Variants in TRABD2B observed in about 807,000 individuals in gnomAD.
The protein encoded by TRABD2B is TraB domain containing 2B, also known as metalloprotease TIKI2.
A neutral mutation model predicts 40.1 loss-of-function variants in TRABD2B; 14 were observed. The observed-to-expected ratio is 0.35, with a 90% CI of 0.23 to 0.55. The LOEUF (loss-of-function observed/expected upper bound fraction) is 0.55. Ranked by LOEUF, TRABD2B falls within the 20% of genes least tolerant of loss-of-function variation. The probability of loss-of-function intolerance (pLI) is 0.90; values close to 1 mark genes in which losing one functional copy is unlikely to be tolerated. For missense variants in TRABD2B, 541 were observed against 648.6 expected (o/e 0.83, Z 1.80); for synonymous variants, 263 against 277.0 (o/e 0.95, Z 0.50).
At chr1:47,820,097 C>G (rs1299676773) in intron 2 of TRABD2B, 1 of 152,260 alleles carries the variant, frequency 6.6e-6, no homozygotes. Flanking sequence ...CCTCACTTAT[C>G]ATGTTTATTG....
intron 2 of TRABD2B, among the ~76,000 whole-genome samples, chr1:47,986,843 G>A (rs899020478): frequency 1.3e-5 from 2 of 152,242 alleles, no homozygotes; most frequent in Non-Finnish European, 2.9e-5. Flanking sequence ...GGAGCTGCTC[G>A]GCGAGACGGC....
chr1:47,858,553 C>T (rs570577191), intron 2 of TRABD2B, among the ~76,000 whole-genome samples: 4 of 152,346 alleles, frequency 2.6e-5, no homozygotes, highest in Admixed American at 1.3e-4. Flanking sequence ...ACCACCACAC[C>T]TAGCCACACT....
intron 2 of TRABD2B, among the ~76,000 whole-genome samples, chr1:47,895,037 C>T (rs1334269225): frequency 3.3e-5 from 5 of 152,282 alleles, no homozygotes; most frequent in South Asian, 2.1e-4. Flanking sequence ...TCTAAAAACG[C>T]ATCTCAAAGG....
At chr1:47,848,384 G>A (rs758921671) in intron 2 of TRABD2B, among the ~76,000 whole-genome samples, 2 of 152,250 alleles carry the variant, frequency 1.3e-5, no homozygotes, top group African/African-American at 4.8e-5. Flanking sequence ...CCAAGATTAC[G>A]GCTCAGGCTG....
chr1:47,877,862 C>A (rs1644246550), intron 2 of TRABD2B, among the ~76,000 whole-genome samples: 1 of 151,620 alleles, frequency 6.6e-6, no homozygotes, highest in African/African-American at 2.4e-5. Context: ...TGTGGTGGTG[C>A]ACACCTATAG....
rs370179048 is a variant in TRABD2B at position 47,829,475 on chromosome 1, G to A, written c.667-27856C>T. Among the ~76,000 whole-genome samples the A allele has an allele frequency of 1.7e-4, 26 of 152,194 alleles. No homozygotes were observed. In the East Asian group the frequency reaches 3.5e-3, roughly 20 times the overall value. ...CGCTAGACTCCTCACTGTCGATGGC[G>A]TGCATAATCCACATCCGTCTGCAGG... On this transcript the variant is annotated intron_variant, in intron 2 of 6. Coordinates refer to ENST00000606738, the MANE Select transcript of TRABD2B (RefSeq NM_001194986.2).
chr1:47,876,168 C>T (rs912614496), intron 2 of TRABD2B, among the ~76,000 whole-genome samples: 1 of 152,180 alleles, frequency 6.6e-6, no homozygotes, highest in African/African-American at 2.4e-5. Context: ...TGTCACTGAG[C>T]TTGAACAAGC....
chr1:47,871,239 G>A (rs962956738), intron 2 of TRABD2B, among the ~76,000 whole-genome samples: 7 of 152,114 alleles, frequency 4.6e-5, no homozygotes, highest in African/African-American at 1.7e-4. Context: ...AGGTGGGCAG[G>A]AGCAGGAGAA....
Position 47,760,960 on chromosome 1 carries a change from G to A in TRABD2B, c.*4942C>T, listed in dbSNP as rs1569850568. ...CCCACAGCAGGACTGGGATGAAGGG[G>A]GCCTTGGAGGCATGCTACTCTGTCA... On this transcript the variant is annotated 3_prime_UTR_variant, in exon 7 of 7. Coordinates refer to ENST00000606738, the MANE Select transcript of TRABD2B (RefSeq NM_001194986.2). 6.6e-6 allele frequency: 1 copy of A among 152,360 alleles called. No homozygotes were observed. Among genetic ancestry groups the A allele is most frequent in the Non-Finnish European group, 1.5e-5 (1 of 68,068 alleles). 9.4% of individuals were successfully genotyped at this position (152,360 alleles called of 1,614,324 possible).
chr1:47,781,276 G>A (rs184262991), intron 4 of TRABD2B, among the ~76,000 whole-genome samples: 6 of 152,308 alleles, frequency 3.9e-5, no homozygotes, highest in African/African-American at 1.2e-4. Context: ...GCCCAACAGC[G>A]GTCCTCGCGT....
intron 4 of TRABD2B, among the ~76,000 whole-genome samples, chr1:47,786,967 A>T (rs1644604341): frequency 6.6e-6 from 1 of 152,126 alleles, no homozygotes; most frequent in African/African-American, 2.4e-5. Flanking sequence ...AGCCTCCCAA[A>T]GTGCTGGGAC....
At chr1:47,995,485 T>G (rs1024280957) in intron 1 of TRABD2B, among the ~76,000 whole-genome samples, 3 of 146,742 alleles carry the variant, frequency 2.0e-5, no homozygotes, top group African/African-American at 7.7e-5. Flanking sequence ...AGCTCCGACT[T>G]AGGGGAGTGT....
chr1:47,892,617 A>C (rs1389120199), intron 2 of TRABD2B, among the ~76,000 whole-genome samples: 2 of 152,204 alleles, frequency 1.3e-5, no homozygotes, highest in African/African-American at 4.8e-5. Flanking sequence ...GGTGAGAAAG[A>C]AGCAGCAAGG....
In TRABD2B at chr1:47,761,514, G is replaced by A. The variant is rs1204662334; in HGVS notation, c.*4388C>T. ...TGGTGGTTGTGGGTGGAGTGGGGAG[G>A]CTGGACTTATTCCTGAACCTTACTG... On this transcript the variant is annotated 3_prime_UTR_variant, in exon 7 of 7. Coordinates refer to ENST00000606738, the MANE Select transcript of TRABD2B (RefSeq NM_001194986.2). The A allele has an allele frequency of 6.6e-6, 1 of 152,238 alleles. No individual in the cohort carries two copies. Among genetic ancestry groups the A allele is most frequent in the Non-Finnish European group, 1.5e-5 (1 of 68,056 alleles). The allele number at this position is 152,238 out of a possible 1,614,324, so 9.4% of individuals were successfully genotyped here.
chr1:47,775,086 T>C (rs2124048102), intron 6 of TRABD2B, 84 bp downstream of exon 6: 1 of 1,204,312 alleles, frequency 8.3e-7, no homozygotes, highest in East Asian at 3.2e-5. Context: ...CTGACGACAG[T>C]GTGCCCAGCT....
In TRABD2B at chr1:47,876,302, T is replaced by C. The variant is rs544422772; in HGVS notation, c.667-74683A>G. Among the ~76,000 whole-genome samples, 8 of 152,078 alleles carry C rather than the reference T, an allele frequency of 5.3e-5. No homozygotes were observed. In the South Asian group the frequency reaches 1.5e-3, roughly 28 times the overall value. On this transcript the variant is annotated intron_variant, in intron 2 of 6. Coordinates refer to ENST00000606738, the MANE Select transcript of TRABD2B (RefSeq NM_001194986.2). The stretch of plus-strand genomic sequence containing the variant: ...GGAAAAAGCCACATAAACCCGAACA[T>C]AGAACAGTGTGATGTCGTCATTGCC...
intron 2 of TRABD2B, among the ~76,000 whole-genome samples, chr1:47,816,304 C>T (rs1645032197): frequency 6.6e-6 from 1 of 152,088 alleles, no homozygotes; most frequent in Non-Finnish European, 1.5e-5. Flanking sequence ...GTGGGTGAGA[C>T]CACGGCACTC....
chr1:47,963,809 C>T (rs1002193466), intron 2 of TRABD2B, among the ~76,000 whole-genome samples: 1 of 152,172 alleles, frequency 6.6e-6, no homozygotes, highest in African/African-American at 2.4e-5. Context: ...CCAATAACAA[C>T]AAGACAGAAA....
chr1:47,791,798 T>A (rs1247063666), intron 4 of TRABD2B, among the ~76,000 whole-genome samples: 1 of 152,174 alleles, frequency 6.6e-6, no homozygotes, highest in African/African-American at 2.4e-5. Context: ...TGCGGATGCG[T>A]TCCATGTCAA....
Sources: allele counts gnomAD v4.1 joint callset (sites outside exome capture counted in the v4.1 genomes callset), GRCh38; gene constraint gnomAD v4.1.1; transcripts MANE v1.5; gene names NCBI Gene and HGNC (gene_info 2026-07-23, HGNC 2026-07-21).